DLGAP2: variants seen among roughly 807,000 people sequenced by gnomAD.
The protein encoded by DLGAP2 is disks large-associated protein 2.
A neutral mutation model predicts 100.3 loss-of-function variants in DLGAP2; 26 were observed. The ratio of observed to expected loss-of-function variants is 0.26; its 90% CI spans 0.19 to 0.36. The LOEUF is 0.36. Ranked by LOEUF, DLGAP2 falls within the 10% of genes least tolerant of loss-of-function variation. DLGAP2 has a pLI of 1.00. For missense variants in DLGAP2, 1,858 were observed against 1,453.2 expected, an observed-to-expected ratio of 1.28 and a Z score of -4.53; for synonymous variants, 886 against 630.1, an observed-to-expected ratio of 1.41 and a Z score of -6.08.
At chr8:1,684,546 A>T (rs1799062945) in intron 12 of DLGAP2, among the ~76,000 whole-genome samples, 1 of 152,238 alleles carries the variant, frequency 6.6e-6, no homozygotes, top group South Asian at 2.1e-4. Context: ...CCCAAAATAT[A>T]ATTTCATAAC....
chr8:1,192,128 G>C (rs554382511), intron 2 of DLGAP2, among the ~76,000 whole-genome samples: 3 of 152,140 alleles, frequency 2.0e-5, no homozygotes, highest in African/African-American at 4.8e-5. Context: ...CCTCTCGTAC[G>C]TGATGAAACT....
Position 1,316,099 on chromosome 8 carries a change from G to A in DLGAP2, c.106+57216G>A, listed in dbSNP as rs557200475. On this transcript the variant is annotated intron_variant, in intron 3 of 14. Transcript: ENST00000637795. ...GTCTCTCCCACAGTGGTCTACACTC[G>A]AGACACTCGGCAGCTTTTAAAAATA... is the stretch of plus-strand genomic sequence containing the variant. Among the ~76,000 whole-genome samples, 206 of 132,718 alleles carry A rather than the reference G, an allele frequency of 1.6e-3. 20 individuals are homozygous for A. Among genetic ancestry groups the A allele is most frequent in the Non-Finnish European group, 7.7e-4 (47 of 61,264 alleles). The allele number at this position is 132,718 out of a possible 152,430, so 87.1% of individuals were successfully genotyped here. A position where few individuals can be genotyped will look rare whatever the true frequency, so the allele number is the denominator to read the frequency against.
At position 1,526,195 on chromosome 8, in the gene DLGAP2, G is replaced by C. The variant is rs1024353112; in HGVS notation, c.173-22431G>C. Among the ~76,000 whole-genome samples the C allele has an allele frequency of 1.8e-4, 27 of 151,570 alleles. 1 individual carries two copies. The East Asian group carries it at 5.1e-3, about 29-fold the overall frequency. On this transcript the variant is annotated intron_variant, in intron 4 of 14. Coordinates refer to ENST00000637795, the MANE Select transcript of DLGAP2 (RefSeq NM_001346810.2). ...GTTCCTGAACGCTGTTCCCTCCTCT[G>C]CTGGAGCCTCCTGCATTGACTCCCC...
At chr8:1,082,140 C>G (rs954266429) in intron 2 of DLGAP2, among the ~76,000 whole-genome samples, 1 of 152,288 alleles carries the variant, frequency 6.6e-6, no homozygotes, top group Middle Eastern at 3.4e-3. Flanking sequence ...TTTACATAGA[C>G]ACCTTCCTGT....
At chr8:1,514,984 G>C (rs1000325560) in intron 4 of DLGAP2, among the ~76,000 whole-genome samples, 3 of 152,054 alleles carry the variant, frequency 2.0e-5, no homozygotes, top group African/African-American at 4.8e-5. Flanking sequence ...CCAACGTGTA[G>C]AGAGACTGAC....
chr8:1,088,388 T>G (rs1234225906), intron 2 of DLGAP2, among the ~76,000 whole-genome samples: 1 of 152,154 alleles, frequency 6.6e-6, no homozygotes, highest in Non-Finnish European at 1.5e-5. Context: ...TGAAAAGCTT[T>G]TCTCCTCCTC....
At chr8:835,651 C>T (rs1279184928) in intron 1 of DLGAP2, among the ~76,000 whole-genome samples, 2 of 152,168 alleles carry the variant, frequency 1.3e-5, no homozygotes, top group African/African-American at 4.8e-5. Flanking sequence ...GAGTTCTCTT[C>T]CTGAACTTCA....
At chr8:1,601,945 G>GGGGTGTGT (rs1554506577) in intron 6 of DLGAP2, among the ~76,000 whole-genome samples, 10 of 146,348 alleles carry the variant, frequency 6.8e-5, no homozygotes, top group South Asian at 2.2e-4. Context: ...AATTTAACAG[G>GGGGTGTGT]GTGTGTGTGT....
intron 13 of DLGAP2, among the ~76,000 whole-genome samples, chr8:1,695,893 G>A (rs995295834): frequency 1.3e-5 from 2 of 152,232 alleles, no homozygotes; most frequent in African/African-American, 2.4e-5. Flanking sequence ...GCTCCCAGCC[G>A]CTGGCCAGGG....
At chr8:824,041 TTCTTTTTTTTCTTC>T in intron 1 of DLGAP2, among the ~76,000 whole-genome samples, 1 of 82,440 alleles carries the variant, frequency 1.2e-5, no homozygotes, top group East Asian at 2.0e-4. Flanking sequence ...TTTTTTCTTC[TTCTTTTTTTTCTTC>T]TTCTTCCTCC....
At chr8:1,069,425 C>T (rs574296484) in intron 2 of DLGAP2, among the ~76,000 whole-genome samples, 42 of 152,296 alleles carry the variant, frequency 2.8e-4, no homozygotes, top group African/African-American at 9.9e-4. Flanking sequence ...CTCCTGTCCT[C>T]TCAGCCCTTA....
At chr8:1,161,729 C>T (rs1796893810) in intron 2 of DLGAP2, among the ~76,000 whole-genome samples, 1 of 152,124 alleles carries the variant, frequency 6.6e-6, no homozygotes, top group South Asian at 2.1e-4. Flanking sequence ...GGTCCAGCCC[C>T]GTGGAGCCGT....
intron 10 of DLGAP2, among the ~76,000 whole-genome samples, chr8:1,676,122 A>G (rs1032563365): frequency 6.6e-6 from 1 of 152,224 alleles, no homozygotes; most frequent in Admixed American, 6.5e-5. Flanking sequence ...TGCAGCCATC[A>G]GTATAAGTCT....
chr8:1,439,147 C>A (rs1797748790), intron 3 of DLGAP2, among the ~76,000 whole-genome samples: 1 of 152,008 alleles, frequency 6.6e-6, no homozygotes. Flanking sequence ...CCACGTGGAG[C>A]GTTAAGTGCT....
chr8:1,273,323 C>G (rs1799619560), intron 3 of DLGAP2, among the ~76,000 whole-genome samples: 1 of 152,156 alleles, frequency 6.6e-6, no homozygotes, highest in Admixed American at 6.5e-5. Flanking sequence ...CTGCTGGGGA[C>G]TTGAGTCCCT....
At chr8:1,446,029 C>T (rs1797976523) in intron 3 of DLGAP2, among the ~76,000 whole-genome samples, 1 of 151,726 alleles carries the variant, frequency 6.6e-6, no homozygotes, top group African/African-American at 2.4e-5. Flanking sequence ...AATTTTCTCC[C>T]ATTTTGTAGG....
rs371515993 is a variant in DLGAP2 at position 1,467,726 on chromosome 8, C to T, written c.107-33640C>T. Among the ~76,000 whole-genome samples the T allele has an allele frequency of 1.1e-4, 17 of 152,300 alleles. 1 individual carries two copies. Among genetic ancestry groups the T allele is most frequent in the African/African-American group, 4.1e-4 (17 of 41,562 alleles). ...AAGGGAGCGTGGCCTGGCTGCTCTC[C>T]ATAGCTCACTGCTGCCAGTAAGGGG... On this transcript the variant is annotated intron_variant, in intron 3 of 14. Coordinates refer to ENST00000637795, the MANE Select transcript of DLGAP2 (RefSeq NM_001346810.2).
rs1799645283 is a variant in DLGAP2 at position 1,704,205 on chromosome 8, T to C, written c.*2799T>C. ...TGACCATTTCGTCATATTTAAAATATAACTTCAAGAAAAGAGTAAACATCC... is the reference window on the plus strand; with the variant it reads ...TGACCATTTCGTCATATTTAAAATACAACTTCAAGAAAAGAGTAAACATCC... On this transcript the variant is annotated 3_prime_UTR_variant, in exon 15 of 15. Coordinates refer to ENST00000637795, the MANE Select transcript of DLGAP2 (RefSeq NM_001346810.2). 1 of 152,534 alleles carries C rather than the reference T, an allele frequency of 6.6e-6. No homozygotes were observed. Among genetic ancestry groups the C allele is most frequent in the African/African-American group, 2.4e-5 (1 of 41,464 alleles). 9.4% of individuals were successfully genotyped at this position (152,534 alleles called of 1,614,324 possible). A position where few individuals can be genotyped will look rare whatever the true frequency, so the allele number is the denominator to read the frequency against.
At chr8:1,200,213 C>T (rs1797840972) in intron 2 of DLGAP2, among the ~76,000 whole-genome samples, 1 of 152,234 alleles carries the variant, frequency 6.6e-6, no homozygotes, top group Admixed American at 6.5e-5. Flanking sequence ...GTGTCACCTT[C>T]CTCCTGGGAC....
Sources: gnomAD v4.1 joint callset for allele counts (sites outside exome capture counted in the v4.1 genomes callset) on GRCh38, gnomAD v4.1.1 for gene constraint, MANE v1.5 for transcripts, NCBI Gene and HGNC (gene_info 2026-07-23, HGNC 2026-07-21) for gene names.